The following GLIS2 variants were observed in gnomAD, a reference collection of about 807,000 sequenced individuals.
GLIS2 encodes GLIS family zinc finger 2, also known as zinc finger protein GLIS2.
In GLIS2, 14 loss-of-function variants were observed where a neutral mutation model predicts 35.6. That is an observed-to-expected ratio of 0.39 (90% CI 0.26 to 0.61). GLIS2 has a LOEUF of 0.61. GLIS2 is among the 20% of genes least tolerant of loss of function. The pLI, the probability that GLIS2 is intolerant of heterozygous loss-of-function variation, is 0.48. For missense variants in GLIS2, 675 were observed against 713.4 expected (o/e 0.95, Z 0.61); for synonymous variants, 368 against 325.1 (o/e 1.13, Z -1.42).
intron 1 of GLIS2, chr16:4,328,325 G>C (rs1048387553): frequency 2.8e-4 from 43 of 152,410 alleles, no homozygotes; most frequent in African/African-American, 9.9e-4. Flanking sequence ...CAGGAGAGCA[G>C]GAACCTAGCT....
upstream of GLIS2, among the ~76,000 whole-genome samples, chr16:4,315,671 G>C (rs1462458053): frequency 4.0e-5 from 6 of 151,306 alleles, no homozygotes; most frequent in Middle Eastern, 3.4e-3. Context: ...GGCCGCGGGG[G>C]GGGGGTGGCG....
Position 4,333,414 on chromosome 16 carries a change from C to T in GLIS2, c.240C>T (p.Asp80=). The change falls in exon 3 of 7, where the codon GAC becomes GAT. Residue 80 remains aspartate, a synonymous_variant. Transcript: ENST00000433375. ...GCTTTTCAGCAGCCCCTCTCGTGGACCTCAGCCTGTCACCACCATCTGGGC... is the reference window on the plus strand; with the variant it reads ...GCTTTTCAGCAGCCCCTCTCGTGGATCTCAGCCTGTCACCACCATCTGGGC... ...EGRFSAAPLV[D]LSLSPPSGLD... 6.2e-7 allele frequency: 1 copy of T among 1,613,068 alleles called. No individual in the cohort carries two copies. The highest frequency in any genetic ancestry group is 8.5e-7 in the Non-Finnish European group (1 of 1,180,006).
intron 1 of GLIS2, among the ~76,000 whole-genome samples, chr16:4,321,805 A>G (rs974188169): frequency 6.6e-6 from 1 of 152,072 alleles, no homozygotes; most frequent in African/African-American, 2.4e-5. Context: ...GAGGCTCTGG[A>G]TACCAGGGCC....
In GLIS2 at chr16:4,338,044, G is replaced by A; in HGVS notation, c.*520G>A. ...CTTGGACCCCTTTCCCTCTGACCCT[G>A]CCTCCAGAGGGAAAGCAAGACAGAT... On this transcript the variant is annotated 3_prime_UTR_variant, in exon 7 of 7. Coordinates refer to ENST00000433375, the MANE Select transcript of GLIS2 (RefSeq NM_032575.3). 5.3e-6 allele frequency: 1 copy of A among 189,866 alleles called. No individual in the cohort carries two copies. Among genetic ancestry groups the A allele is most frequent in the Non-Finnish European group, 1.1e-5 (1 of 90,846 alleles). The allele number at this position is 189,866 out of a possible 1,614,324, so 11.8% of individuals were successfully genotyped here.
Position 4,332,465 on chromosome 16 carries a change from G to T in GLIS2, c.172+13G>T. Reference sequence around the variant, plus strand: ...TCCCCGCCCTCAGGTACTGGCCCTGGGCAGGGCAGGGGGACTTAGCCCTGA... The same window carrying T: ...TCCCCGCCCTCAGGTACTGGCCCTGTGCAGGGCAGGGGGACTTAGCCCTGA... On this transcript the variant is annotated intron_variant, in intron 2 of 6. Coordinates refer to ENST00000433375, the MANE Select transcript of GLIS2 (RefSeq NM_032575.3). The surrounding 1 kb of genome is among the most constrained non-coding windows in gnomAD (Gnocchi z 5.4). 1 of 1,609,386 alleles carries T rather than the reference G, an allele frequency of 6.2e-7. No individual in the cohort carries two copies. The highest frequency in any genetic ancestry group is 8.5e-7 in the Non-Finnish European group (1 of 1,179,658).
At position 4,337,802 on chromosome 16, in the gene GLIS2, C is replaced by T. The variant is rs116692282; in HGVS notation, c.*278C>T. On this transcript the variant is annotated 3_prime_UTR_variant, in exon 7 of 7. Transcript: ENST00000433375. ...TGGCCCTCAGCTTCTGAGAGGCTTT[C>T]CCCTGCCCGACCTCCTCCCGTTTCC... 2.7e-3 allele frequency: 1,575 copies of T among 578,614 alleles called. 14 individuals carry two copies. The highest frequency in any genetic ancestry group is 0.027 in the African/African-American group (1,426 of 53,640). The allele number at this position is 578,614 out of a possible 1,614,324, so 35.8% of individuals were successfully genotyped here.
At chr16:4,317,877 C>T (rs527464190) in intron 1 of GLIS2, among the ~76,000 whole-genome samples, 11 of 152,254 alleles carry the variant, frequency 7.2e-5, no homozygotes, top group African/African-American at 1.4e-4. Flanking sequence ...CCCTCCTTTC[C>T]GGAGCTGCCA....
intron 1 of GLIS2, among the ~76,000 whole-genome samples, chr16:4,330,082 G>C (rs1334366497): frequency 6.6e-6 from 1 of 152,168 alleles, no homozygotes; most frequent in Admixed American, 6.5e-5. Context: ...TTTGAGACCA[G>C]CCTGGCCAAC....
chr16:4,334,136 T>A (rs11639611), intron 3 of GLIS2, among the ~76,000 whole-genome samples: 151,409 of 151,484 alleles, frequency 1, 75,667 homozygotes, highest in Non-Finnish European at 1. Context: ...ACAGGGTTTC[T>A]CCATGTTGGT....
chr16:4,316,299 CG>C (rs1293109635), intron 1 of GLIS2, among the ~76,000 whole-genome samples, 45 bp downstream of exon 1: 14,672 of 53,112 alleles, frequency 0.28, 1,557 homozygotes, highest in African/African-American at 0.41. Flanking sequence ...CGGGCCGGGG[CG>C]GGGGGGGGGG....
At chr16:4,326,854 T>C (rs1351130557) in intron 1 of GLIS2, among the ~76,000 whole-genome samples, 1 of 150,688 alleles carries the variant, frequency 6.6e-6, no homozygotes, top group African/African-American at 2.4e-5. Context: ...TCTGCCTCCC[T>C]GGTTCAAGCG....
At chr16:4,328,746 G>C (rs2053465182) in intron 1 of GLIS2, among the ~76,000 whole-genome samples, 1 of 152,186 alleles carries the variant, frequency 6.6e-6, no homozygotes, top group African/African-American at 2.4e-5. Flanking sequence ...GGGCCGTGTG[G>C]CTGGCCCCAC....
intron 1 of GLIS2, among the ~76,000 whole-genome samples, chr16:4,327,095 T>C (rs1468602855): frequency 6.6e-6 from 1 of 152,014 alleles, no homozygotes; most frequent in Non-Finnish European, 1.5e-5. Flanking sequence ...GATTTTTCCA[T>C]GTTGCCCAGG....
At position 4,339,009 on chromosome 16, in the gene GLIS2, G is replaced by A. The variant is rs1011508470; in HGVS notation, c.*1485G>A. On this transcript the variant is annotated 3_prime_UTR_variant, in exon 7 of 7. Coordinates refer to ENST00000433375, the MANE Select transcript of GLIS2 (RefSeq NM_032575.3). ...TGCCCGGACAGCCTTGGGGTCCTTAGTGGCCCTGCAGGTCCTCTGGCAGCT... is the reference window on the plus strand; with the variant it reads ...TGCCCGGACAGCCTTGGGGTCCTTAATGGCCCTGCAGGTCCTCTGGCAGCT... 1 of 152,506 alleles carries A rather than the reference G, an allele frequency of 6.6e-6. No individual in the cohort carries two copies. Among genetic ancestry groups the A allele is most frequent in the East Asian group, 1.9e-4 (1 of 5,196 alleles). 9.4% of individuals were successfully genotyped at this position (152,506 alleles called of 1,614,324 possible).
Position 4,336,483 on chromosome 16 carries a change from C to G in GLIS2, c.776-242C>G, listed in dbSNP as rs1342522276. The stretch of plus-strand genomic sequence containing the variant: ...GTTCTGCTGCTGAAAGGCACATCCT[C>G]TGTAGCAGAGGGTGCAGGGCGAGGC... On this transcript the variant is annotated intron_variant, in intron 6 of 6. Coordinates refer to ENST00000433375, the MANE Select transcript of GLIS2 (RefSeq NM_032575.3). 4 of 625,428 alleles carry G rather than the reference C, an allele frequency of 6.4e-6. No individual in the cohort carries two copies. The East Asian group carries it at 8.2e-5, about 13-fold the overall frequency. 38.7% of individuals were successfully genotyped at this position (625,428 alleles called of 1,614,324 possible). A position where few individuals can be genotyped will look rare whatever the true frequency, so the allele number is the denominator to read the frequency against.
intron 1 of GLIS2, among the ~76,000 whole-genome samples, chr16:4,323,460 C>G (rs1027193324): frequency 6.6e-6 from 1 of 152,086 alleles, no homozygotes; most frequent in African/African-American, 2.4e-5. Context: ...GGGCAGGCAG[C>G]GGGGGGGTGG....
In GLIS2 at chr16:4,336,913, T is replaced by C; in HGVS notation, c.964T>C (p.Ser322Pro). Residue 322 changes from serine (S) to proline (P), a missense_variant, in exon 7 of 7, where the codon TCC becomes CCC. Ser to Pro is a moderately conservative substitution (Grantham distance 74). Transcript: ENST00000433375. ...CATCAAGGCCCATGGCCACTTTGTG[T>C]CCCACGAGCAGCAAGAGCTCCTGCA... ...KHIKAHGHFVSHEQQELLQLR... is the reference protein window; with the variant it reads ...KHIKAHGHFVPHEQQELLQLR... 6.2e-7 allele frequency: 1 copy of C among 1,612,936 alleles called. No homozygotes were observed. Among genetic ancestry groups the C allele is most frequent in the Non-Finnish European group, 8.5e-7 (1 of 1,179,982 alleles).
At chr16:4,323,702 C>T (rs1390443526) in intron 1 of GLIS2, among the ~76,000 whole-genome samples, 2 of 152,238 alleles carry the variant, frequency 1.3e-5, no homozygotes, top group African/African-American at 4.8e-5. Flanking sequence ...GCCCGTCTTC[C>T]AGCTTCAGCT....
At position 4,333,360 on chromosome 16, in the gene GLIS2, C is replaced by T. The variant is rs765702345; in HGVS notation, c.186C>T (p.Asn62=). ...CCTCTCCCTCAGGCTTCCTGCTGAA[C>T]TCCAAGTTCCCCGAGAAGGTGGAGG... ...PGSPPSGFLL[N]SKFPEKVEGR... The change falls in exon 3 of 7, where the codon AAC becomes AAT. Residue 62 remains asparagine (N), a synonymous_variant. Coordinates refer to ENST00000433375, the MANE Select transcript of GLIS2 (RefSeq NM_032575.3). The T allele has an allele frequency of 2.4e-5, 39 of 1,612,970 alleles. No individual in the cohort carries two copies. The highest frequency in any genetic ancestry group is 1.6e-4 in the Middle Eastern group (1 of 6,084).
Sources: gnomAD v4.1 joint callset for allele counts (sites outside exome capture counted in the v4.1 genomes callset) on GRCh38, gnomAD v4.1.1 for gene constraint, Gnocchi (gnomAD v3.1) non-coding constraint, MANE v1.5 for transcripts, NCBI Gene and HGNC (gene_info 2026-07-23, HGNC 2026-07-21) for gene names.